CLDN14: variants seen among roughly 807,000 people sequenced by gnomAD.
CLDN14 encodes the protein claudin-14.
CLDN14 carries 2 observed loss-of-function variants against 2.1 expected under a neutral mutation model. That is an observed-to-expected ratio of 0.96 (90% CI 0.39 to 3.01). The LOEUF is 3.01. Ranked by LOEUF, CLDN14 falls within the 30% of genes most tolerant of loss-of-function variation. CLDN14 has a pLI of 0.09. For missense variants in CLDN14, 298 were observed against 328.0 expected (o/e 0.91, Z 0.71); for synonymous variants, 136 against 154.4 (o/e 0.88, Z 0.88).
intron 1 of CLDN14, among the ~76,000 whole-genome samples, chr21:36,574,710 C>A (rs189305104): frequency 6.6e-6 from 1 of 152,004 alleles, no homozygotes; most frequent in African/African-American, 2.4e-5. Context: ...GTTACTTATA[C>A]CTAAATTAAT....
intron 1 of CLDN14, among the ~76,000 whole-genome samples, chr21:36,570,797 T>C (rs1234987308): frequency 4.6e-5 from 7 of 151,732 alleles, no homozygotes; most frequent in Non-Finnish European, 3.0e-5. Flanking sequence ...AGGAGGATGC[T>C]GTAAGAAGAA....
chr21:36,548,857 C>G (rs1284044070), intron 1 of CLDN14, among the ~76,000 whole-genome samples: 1 of 152,206 alleles, frequency 6.6e-6, no homozygotes, highest in African/African-American at 2.4e-5. Flanking sequence ...GTCTTCCTCT[C>G]TCCAAAGCAA....
intron 2 of CLDN14, among the ~76,000 whole-genome samples, chr21:36,506,392 T>G (rs2087132928): frequency 6.6e-6 from 1 of 151,848 alleles, no homozygotes. Context: ...AGGTCAGAAG[T>G]TCAAGACCAG....
At chr21:36,525,222 G>A (rs768293157) in intron 1 of CLDN14, among the ~76,000 whole-genome samples, 4 of 152,104 alleles carry the variant, frequency 2.6e-5, no homozygotes, top group East Asian at 1.9e-4. Flanking sequence ...GCGTGGTCTC[G>A]TGTGCAGCCC....
intron 1 of CLDN14, among the ~76,000 whole-genome samples, chr21:36,548,111 A>C (rs1204836264): frequency 2.0e-5 from 3 of 151,800 alleles, no homozygotes; most frequent in South Asian, 2.1e-4. Flanking sequence ...GCCCCTGCAG[A>C]TGCCGTTCCT....
intron 1 of CLDN14, among the ~76,000 whole-genome samples, chr21:36,564,087 A>C (rs944575481): frequency 2.0e-5 from 3 of 152,340 alleles, no homozygotes; most frequent in South Asian, 4.1e-4. Context: ...AATGCCGAAG[A>C]TGAGGCAGGT....
chr21:36,510,173 C>T (rs1047913801), intron 2 of CLDN14, among the ~76,000 whole-genome samples: 6 of 152,238 alleles, frequency 3.9e-5, no homozygotes, highest in African/African-American at 1.4e-4. Flanking sequence ...GACATTCTTC[C>T]ACCCGCCAGA....
In CLDN14 at chr21:36,470,227, C is replaced by A. The variant is rs146039768; in HGVS notation, c.-81-8451G>T. Among the ~76,000 whole-genome samples the A allele has an allele frequency of 9.3e-3, 1,420 of 152,148 alleles. 19 individuals carry two copies. Among genetic ancestry groups the A allele is most frequent in the African/African-American group, 0.033 (1,358 of 41,506 alleles). Reference sequence around the variant, plus strand: ...GTTGAAGTCTTCCCTGCTCCCAGTGCCTCAGAATGTGACCTTATTTGGAAA... The same window carrying A: ...GTTGAAGTCTTCCCTGCTCCCAGTGACTCAGAATGTGACCTTATTTGGAAA... On this transcript the variant is annotated intron_variant, in intron 1 of 1. Transcript: ENST00000399135.
chr21:36,511,069 C>T (rs779896600), intron 1 of CLDN14, among the ~76,000 whole-genome samples: 5 of 152,136 alleles, frequency 3.3e-5, no homozygotes, highest in African/African-American at 9.7e-5. Flanking sequence ...CCTAGTTCTC[C>T]GATGGTCATG....
At position 36,461,581 on chromosome 21, in the gene CLDN14, T is replaced by C; in HGVS notation, c.115A>G (p.Asn39Asp). 2 of 1,612,450 alleles carry C rather than the reference T, an allele frequency of 1.2e-6. No homozygotes were observed. Among genetic ancestry groups the C allele is most frequent in the Non-Finnish European group, 1.7e-6 (2 of 1,179,614 alleles). Residue 39 changes from asparagine to aspartate, a missense_variant, in exon 2 of 2, where the codon AAC (asparagine) becomes GAC (aspartate). Asn to Asp is a conservative substitution (Grantham distance 23, BLOSUM62 1). Transcript: ENST00000399135. ...HWRRTAHVGTNILTAVSYLKG... is the reference protein window; with the variant it reads ...HWRRTAHVGTDILTAVSYLKG... ...AGGTAGGACACGGCCGTGAGGATGT[T>C]GGTGCCCACGTGCGCTGTCCTCCGC...
chr21:36,569,601 G>A (rs543072334), intron 1 of CLDN14, among the ~76,000 whole-genome samples: 13 of 152,236 alleles, frequency 8.5e-5, no homozygotes, highest in African/African-American at 1.7e-4. Context: ...TAACTGATTC[G>A]GTCCAGGATC....
intron 1 of CLDN14, among the ~76,000 whole-genome samples, chr21:36,476,670 C>G (rs2086783930): frequency 6.6e-6 from 1 of 152,158 alleles, no homozygotes; most frequent in Admixed American, 6.5e-5. Context: ...TCAGGCTGGT[C>G]TCGAACTCCT....
intron 1 of CLDN14, among the ~76,000 whole-genome samples, chr21:36,542,100 G>A (rs569511952): frequency 1.2e-4 from 18 of 152,242 alleles, no homozygotes; most frequent in African/African-American, 4.3e-4. Flanking sequence ...TGTGATTACA[G>A]GCACTCACGC....
intron 1 of CLDN14, among the ~76,000 whole-genome samples, chr21:36,558,378 T>C (rs1323137827): frequency 2.0e-5 from 3 of 152,204 alleles, no homozygotes; most frequent in African/African-American, 7.2e-5. Context: ...TTGGGTAGTA[T>C]GAATCTTTTT....
chr21:36,495,279 A>G (rs1415874632), intron 2 of CLDN14, among the ~76,000 whole-genome samples: 1 of 152,206 alleles, frequency 6.6e-6, no homozygotes. Flanking sequence ...CTGTGAGCCG[A>G]GATCGTGCCA....
intron 2 of CLDN14, among the ~76,000 whole-genome samples, chr21:36,501,353 T>C (rs1405660490): frequency 7.9e-6 from 1 of 126,002 alleles, no homozygotes; most frequent in Admixed American, 7.6e-5. Flanking sequence ...TTTTTTTTTT[T>C]TTTTTTTTTT....
chr21:36,490,957 C>G lies in CLDN14; in HGVS notation c.-82+19406G>C, dbSNP rs933561470. On this transcript the variant is annotated intron_variant, in intron 2 of 2. Coordinates refer to the CLDN14 transcript ENST00000342108. ...ACACATGCAAGTGCACAGACACACA[C>G]ACACACACACACACACACACACACA... Among the ~76,000 whole-genome samples the G allele has an allele frequency of 3.1e-3, 398 of 129,928 alleles. 2 individuals carry two copies. Among genetic ancestry groups the G allele is most frequent in the African/African-American group, 0.011 (373 of 34,036 alleles). The allele number at this position is 129,928 out of a possible 152,430, so 85.2% of individuals were successfully genotyped here.
At position 36,509,682 on chromosome 21, in the gene CLDN14, G is replaced by A. The variant is rs138983153; in HGVS notation, c.-82+681C>T. ...GCAATCTCTGCTCATTGCAACCTCC[G>A]CCTCCCGGCTTCAAGTGATTCTAAT... On this transcript the variant is annotated intron_variant, in intron 2 of 2. Coordinates refer to the CLDN14 transcript ENST00000342108. Among the ~76,000 whole-genome samples, 506 of 152,194 alleles carry A rather than the reference G, an allele frequency of 3.3e-3. 3 individuals are homozygous for A. Among genetic ancestry groups the A allele is most frequent in the African/African-American group, 0.011 (473 of 41,510 alleles).
Position 36,499,256 on chromosome 21 carries a change from T to TTTTG in CLDN14, c.-82+11103_-82+11106dup, listed in dbSNP as rs750438900. Among the ~76,000 whole-genome samples, 8 of 152,108 alleles carry TTTTG rather than the reference T, an allele frequency of 5.3e-5. No homozygotes were observed. The highest frequency in any genetic ancestry group is 9.7e-5 in the African/African-American group (4 of 41,438). On this transcript the variant is annotated intron_variant, in intron 2 of 2. Coordinates refer to the CLDN14 transcript ENST00000342108. This position sits in a 1 kb window ranked among gnomAD's most constrained non-coding sequence, Gnocchi z 4.7. Reference sequence around the variant, plus strand: ...CATTGCTTTCAGCTTTCTCCAAGGTTTTTGTTTGTTTGTTTGTCGGTCTTA... The same window carrying TTTTG: ...CATTGCTTTCAGCTTTCTCCAAGGTTTTTGTTTGTTTGTTTGTTTGTCGGTCTTA...
Sources: gnomAD v4.1 joint callset for allele counts (sites outside exome capture counted in the v4.1 genomes callset) on GRCh38, gnomAD v4.1.1 for gene constraint, Gnocchi (gnomAD v3.1) non-coding constraint, MANE v1.5 for transcripts, NCBI Gene and HGNC (gene_info 2026-07-23, HGNC 2026-07-21) for gene names.